Variants in AGTPBP1 observed in about 807,000 individuals in gnomAD.
The protein encoded by AGTPBP1 is cytosolic carboxypeptidase 1.
A neutral mutation model predicts 143.9 loss-of-function variants in AGTPBP1; 70 were observed. That is an observed-to-expected ratio of 0.49 (90% CI 0.40 to 0.59). AGTPBP1 has a LOEUF of 0.59. Among genes scored for constraint, AGTPBP1 ranks in the 20% least tolerant of loss-of-function variants. The probability of loss-of-function intolerance (pLI) is 0.00; values close to 1 mark genes in which losing one functional copy is unlikely to be tolerated. For missense variants in AGTPBP1, 1,229 were observed against 1,464.5 expected, an observed-to-expected ratio of 0.84 and a Z score of 2.62; for synonymous variants, 463 against 500.2, an observed-to-expected ratio of 0.93 and a Z score of 0.99.
chr9:85,789,271 G>A, the AGTPBP1 span, among the ~76,000 whole-genome samples: 2 of 151,850 alleles, frequency 1.3e-5, no homozygotes, highest in Non-Finnish European at 2.9e-5. Flanking sequence ...TAGTTTAGTC[G>A]GTGTTCTCAC....
At chr9:85,769,520 CAAAAAAAAAAAAAA>C in the AGTPBP1 span, among the ~76,000 whole-genome samples, 2 of 60,886 alleles carry the variant, frequency 3.3e-5, no homozygotes, top group Non-Finnish European at 8.3e-5. Context: ...ACCCTGTGTC[CAAAAAAAAAAAAAA>C]AAAAAAGAAA....
At chr9:85,623,641 C>G (rs1240440654) in intron 14 of AGTPBP1, among the ~76,000 whole-genome samples, 2 of 151,730 alleles carry the variant, frequency 1.3e-5, no homozygotes, top group Non-Finnish European at 2.9e-5. Context: ...CCTGTAATCC[C>G]AGCTACTCAA....
rs1436952043 is a variant in AGTPBP1 at position 85,647,354 on chromosome 9, C to T, written c.1088-936G>A. 2.0e-5 allele frequency among the ~76,000 whole-genome samples: 3 copies of T among 152,188 alleles called. No individual in the cohort carries two copies. The East Asian group carries it at 5.8e-4, about 29-fold the overall frequency. Reference sequence around the variant, plus strand: ...TGGGTTGTATGTGGCCCATGGGCAGCATATTGGACATGCTTGGTGTAAATA... The same window carrying T: ...TGGGTTGTATGTGGCCCATGGGCAGTATATTGGACATGCTTGGTGTAAATA... On this transcript the variant is annotated intron_variant, in intron 11 of 25. Transcript: ENST00000357081.
chr9:85,691,326 A>G (rs1365511658), intron 3 of AGTPBP1, among the ~76,000 whole-genome samples: 4 of 152,180 alleles, frequency 2.6e-5, no homozygotes, highest in Non-Finnish European at 4.4e-5. Flanking sequence ...TCTATGACCA[A>G]GAAGAAGGGT....
intron 1 of AGTPBP1, among the ~76,000 whole-genome samples, chr9:85,736,428 T>A (rs942775495): frequency 6.6e-6 from 1 of 152,236 alleles, no homozygotes; most frequent in Non-Finnish European, 1.5e-5. Context: ...ATCATTTCTG[T>A]GCATTTGATA....
intron 25 of AGTPBP1, among the ~76,000 whole-genome samples, chr9:85,565,334 G>A (rs1259795940): frequency 6.6e-6 from 1 of 151,268 alleles, no homozygotes; most frequent in Non-Finnish European, 1.5e-5. Context: ...TGAATTGAGG[G>A]CTAAGTTGTG....
chr9:85,604,282 C>G (rs1829857721), intron 17 of AGTPBP1, among the ~76,000 whole-genome samples: 1 of 152,238 alleles, frequency 6.6e-6, no homozygotes, highest in Non-Finnish European at 1.5e-5. Flanking sequence ...GAGACAGACT[C>G]TGTTTGGGAG....
intron 2 of AGTPBP1, among the ~76,000 whole-genome samples, chr9:85,710,875 AAAGT>A (rs1223005024): frequency 6.6e-6 from 1 of 152,164 alleles, no homozygotes; most frequent in Admixed American, 6.5e-5. Context: ...CCTGATGCAA[AAAGT>A]AAGGCATTTT....
chr9:85,598,728 AT>A (rs1422233034), intron 17 of AGTPBP1, among the ~76,000 whole-genome samples: 1 of 151,932 alleles, frequency 6.6e-6, no homozygotes. Flanking sequence ...TATTATTATT[AT>A]TTTTTTCCAA....
chr9:85,676,672 C>T (rs1834848684), intron 6 of AGTPBP1, among the ~76,000 whole-genome samples: 1 of 152,166 alleles, frequency 6.6e-6, no homozygotes. Context: ...GATGATCTAG[C>T]AGTCCTACTG....
intron 9 of AGTPBP1, 134 bp downstream of exon 9, chr9:85,660,802 A>C (rs1417947670): frequency 2.6e-5 from 17 of 651,218 alleles, no homozygotes; most frequent in Non-Finnish European, 4.0e-5. Flanking sequence ...AAAAGGAAAA[A>C]TCAATTTTGA....
At chr9:85,649,316 T>C (rs1833005254) in intron 11 of AGTPBP1, among the ~76,000 whole-genome samples, 2 of 152,354 alleles carry the variant, frequency 1.3e-5, no homozygotes, top group African/African-American at 4.8e-5. Flanking sequence ...TATTTTGTTG[T>C]TGCTATTGTG....
At chr9:85,657,721 T>A in intron 9 of AGTPBP1, 78 bp from the exon 10 acceptor site, 1 of 985,982 alleles carries the variant, frequency 1.0e-6, no homozygotes, top group Middle Eastern at 2.2e-4. Context: ...TTTAAAATAT[T>A]ACCTCAATAT....
chr9:85,664,096 A>G (rs942807093), intron 8 of AGTPBP1, among the ~76,000 whole-genome samples: 10 of 152,198 alleles, frequency 6.6e-5, no homozygotes, highest in African/African-American at 2.4e-4. Context: ...CCATTCATAT[A>G]AAATTCCTGA....
At chr9:85,568,353 GA>G (rs1472009820) in intron 25 of AGTPBP1, among the ~76,000 whole-genome samples, 1 of 152,134 alleles carries the variant, frequency 6.6e-6, no homozygotes, top group Non-Finnish European at 1.5e-5. Flanking sequence ...TATCAGTACA[GA>G]AAAAGTTGTA....
At chr9:85,661,263 C>T (rs1833841169) in intron 8 of AGTPBP1, among the ~76,000 whole-genome samples, 1 of 151,926 alleles carries the variant, frequency 6.6e-6, no homozygotes, top group African/African-American at 2.4e-5. Context: ...GTTAGATGAA[C>T]GGAATCATTC....
At chr9:85,548,866 G>C (rs564304400) in intron 25 of AGTPBP1, among the ~76,000 whole-genome samples, 26 of 152,078 alleles carry the variant, frequency 1.7e-4, no homozygotes, top group African/African-American at 6.3e-4. Flanking sequence ...GTAGAGACGA[G>C]GTTTCACCAT....
intron 14 of AGTPBP1, among the ~76,000 whole-genome samples, chr9:85,628,526 A>G (rs77584497): frequency 0.01 from 1,558 of 152,322 alleles, 34 homozygotes; most frequent in African/African-American, 0.035. Context: ...AAATCAGAAC[A>G]CATCTCCATC....
At chr9:85,637,411 C>T (rs1366713246) in intron 13 of AGTPBP1, among the ~76,000 whole-genome samples, 1 of 152,126 alleles carries the variant, frequency 6.6e-6, no homozygotes, top group Non-Finnish European at 1.5e-5. Context: ...AAGTCTAAAA[C>T]TTCAGACATT....
Sources: allele counts gnomAD v4.1 joint callset (sites outside exome capture counted in the v4.1 genomes callset), GRCh38; gene constraint gnomAD v4.1.1; transcripts MANE v1.5; gene names NCBI Gene and HGNC (gene_info 2026-07-23, HGNC 2026-07-21).